PPIH: variants seen among roughly 807,000 people sequenced by gnomAD.
PPIH encodes the protein peptidyl-prolyl cis-trans isomerase H.
PPIH carries 16 observed loss-of-function variants against 27.6 expected under a neutral mutation model. The observed-to-expected ratio is 0.58, with a 90% confidence interval of 0.39 to 0.88. The LOEUF (loss-of-function observed/expected upper bound fraction) is 0.88, where lower values mean the gene tolerates loss of function less well. Among genes scored for constraint, PPIH ranks in the 40% least tolerant of loss-of-function variants. PPIH has a pLI of 0.00. For missense variants in PPIH, 155 were observed against 224.1 expected, an observed-to-expected ratio of 0.69 and a Z score of 1.97; for synonymous variants, 63 against 76.1, an observed-to-expected ratio of 0.83 and a Z score of 0.90.
chr1:42,662,209 C>T (rs955288252), intron 5 of PPIH, among the ~76,000 whole-genome samples: 1 of 151,942 alleles, frequency 6.6e-6, no homozygotes, highest in African/African-American at 2.4e-5. Flanking sequence ...GATCACTTGT[C>T]GATAACTCTG....
At position 42,660,975 on chromosome 1, in the gene PPIH, T is replaced by C. The variant is rs1451525841; in HGVS notation, c.243+71T>C. ...TGTTGTTATTGTTGCAATTGCTGTTTTTACTACAGAGACCCAGTCTTCAGG... is the reference window on the plus strand; with the variant it reads ...TGTTGTTATTGTTGCAATTGCTGTTCTTACTACAGAGACCCAGTCTTCAGG... On this transcript the variant is annotated intron_variant, in intron 5 of 9. Coordinates refer to ENST00000304979, the MANE Select transcript of PPIH (RefSeq NM_006347.4). 5.8e-6 allele frequency: 8 copies of C among 1,379,550 alleles called. No individual in the cohort carries two copies. The South Asian group carries it at 5.9e-5, about 10-fold the overall frequency. The allele number at this position is 1,379,550 out of a possible 1,614,324, so 85.5% of individuals were successfully genotyped here.
chr1:42,661,850 GT>G (rs66724307), intron 5 of PPIH, among the ~76,000 whole-genome samples: 6,689 of 151,720 alleles, frequency 0.044, 198 homozygotes, highest in African/African-American at 0.073. Context: ...AAAAATCCTA[GT>G]TTTTTTTTCT....
At position 42,674,240 on chromosome 1, in the gene PPIH, C is replaced by T. The variant is rs143129965; in HGVS notation, c.*22-2344C>T. Among the ~76,000 whole-genome samples, 297 of 152,324 alleles carry T rather than the reference C, an allele frequency of 1.9e-3. 1 individual carries two copies. The highest frequency in any genetic ancestry group is 6.4e-3 in the African/African-American group (264 of 41,556). ...TGAGTAGACTACAGAAGAGATGATG[C>T]TTCAGTTTAGTACAAGAAAGAATAT... On this transcript the variant is annotated intron_variant, in intron 9 of 9. Transcript: ENST00000304979.
chr1:42,674,878 G>C (rs552107551), intron 9 of PPIH, among the ~76,000 whole-genome samples: 1 of 152,204 alleles, frequency 6.6e-6, no homozygotes, highest in Middle Eastern at 3.2e-3. Flanking sequence ...GCCAGGAGTG[G>C]AGAGAATGTC....
intron 3 of PPIH, 125 bp from the exon 4 acceptor site, chr1:42,659,397 T>C (rs1648873762): frequency 8.1e-6 from 13 of 1,614,040 alleles, no homozygotes; most frequent in Non-Finnish European, 1.1e-5. Context: ...CTGTCCCTAG[T>C]TTATTTGCCT....
intron 2 of PPIH, 44 bp from the exon 3 acceptor site, chr1:42,659,179 CGACTG>C (rs905468433): frequency 5.6e-6 from 9 of 1,611,514 alleles, no homozygotes; most frequent in Non-Finnish European, 7.6e-6. Flanking sequence ...GAGGCGCTCA[CGACTG>C]TGACATCATA....
chr1:42,663,644 C>T (rs1010411032), intron 5 of PPIH, among the ~76,000 whole-genome samples: 11 of 152,138 alleles, frequency 7.2e-5, no homozygotes, highest in Admixed American at 1.3e-4. Flanking sequence ...AGGTGATCCA[C>T]CCGCCTCAGC....
intron 9 of PPIH, among the ~76,000 whole-genome samples, chr1:42,672,810 CTAAT>C (rs1649709579): frequency 6.6e-6 from 1 of 152,022 alleles, no homozygotes. Flanking sequence ...CCACGTCTGG[CTAAT>C]TTTTTTGTAT....
At position 42,671,300 on chromosome 1, in the gene PPIH, C is replaced by T. The variant is rs144121504; in HGVS notation, c.*21+3860C>T. On this transcript the variant is annotated intron_variant, in intron 9 of 9. Transcript: ENST00000304979. The stretch of plus-strand genomic sequence containing the variant: ...AAAATTAGCCGGGCGTGATGACACA[C>T]GCCTGTAATCCCAGCTACTCCAGAG... Among the ~76,000 whole-genome samples the T allele has an allele frequency of 5.8e-3, 889 of 152,198 alleles. 12 individuals carry two copies. Among genetic ancestry groups the T allele is most frequent in the African/African-American group, 0.02 (838 of 41,528 alleles).
At chr1:42,665,947 A>G in intron 6 of PPIH, 33 bp from the exon 7 acceptor site, 1 of 1,581,638 alleles carries the variant, frequency 6.3e-7, no homozygotes, top group Non-Finnish European at 8.7e-7. Flanking sequence ...ATGGCCGGGG[A>G]AACTTACTGC....
chr1:42,659,841 G>A (rs1417153362), intron 4 of PPIH, among the ~76,000 whole-genome samples: 1 of 152,106 alleles, frequency 6.6e-6, no homozygotes, highest in Non-Finnish European at 1.5e-5. Flanking sequence ...AAGTACACTT[G>A]TAATCCTAAA....
intron 9 of PPIH, 43 bp downstream of exon 9, chr1:42,667,483 G>T (rs1322375520): frequency 2.0e-6 from 3 of 1,484,156 alleles, no homozygotes; most frequent in South Asian, 1.2e-5. Context: ...TCAGACCTCA[G>T]AGAAGGCAGC....
chr1:42,670,370 C>A (rs1043748143), intron 9 of PPIH, among the ~76,000 whole-genome samples: 11 of 152,258 alleles, frequency 7.2e-5, no homozygotes, highest in Admixed American at 2.0e-4. Context: ...GACCACTGAT[C>A]ACTACCAGAG....
intron 9 of PPIH, among the ~76,000 whole-genome samples, chr1:42,675,928 T>C (rs939215495): frequency 4.6e-5 from 7 of 152,186 alleles, no homozygotes; most frequent in Admixed American, 2.0e-4. Flanking sequence ...TCTAATTCTG[T>C]GACTTCAGTC....
At chr1:42,662,784 A>G (rs1490933792) in intron 5 of PPIH, among the ~76,000 whole-genome samples, 1 of 152,172 alleles carries the variant, frequency 6.6e-6, no homozygotes, top group African/African-American at 2.4e-5. Context: ...ACAATATACT[A>G]TTGGCATTTT....
At chr1:42,677,596 C>T (rs138243487), downstream of PPIH, among the ~76,000 whole-genome samples, 50 of 152,312 alleles carry the variant, frequency 3.3e-4, no homozygotes, top group African/African-American at 1.1e-3. Flanking sequence ...ATCACTTCAG[C>T]GTGCAGAAGT....
In PPIH at chr1:42,664,846, C is replaced by T; in HGVS notation, c.244-17C>T. The T allele has an allele frequency of 6.3e-7, 1 of 1,599,864 alleles. No homozygotes were observed. Among genetic ancestry groups the T allele is most frequent in the South Asian group, 1.1e-5 (1 of 89,372 alleles). On this transcript the variant is annotated splice_polypyrimidine_tract_variant and intron_variant, in intron 5 of 9. Transcript: ENST00000304979. ...CCAACACTCCAAGTCACTAATACTT[C>T]CCTTCTCTCTGCTCAGGGAGATGGT... is the stretch of plus-strand genomic sequence containing the variant.
intron 5 of PPIH, among the ~76,000 whole-genome samples, chr1:42,662,991 A>G (rs1649126578): frequency 6.6e-6 from 1 of 152,190 alleles, no homozygotes; most frequent in Non-Finnish European, 1.5e-5. Flanking sequence ...TATTTGATCA[A>G]TTCACTATAG....
chr1:42,669,046 CAA>C (rs766495746), intron 9 of PPIH, among the ~76,000 whole-genome samples: 1 of 135,402 alleles, frequency 7.4e-6, no homozygotes, highest in African/African-American at 2.7e-5. Context: ...CCCGTCTTTC[CAA>C]AAAAAAAAAA....
Sources: gnomAD v4.1 joint callset for allele counts (sites outside exome capture counted in the v4.1 genomes callset) on GRCh38, gnomAD v4.1.1 for gene constraint, MANE v1.5 for transcripts, NCBI Gene and HGNC (gene_info 2026-07-23, HGNC 2026-07-21) for gene names.